The following MB21D2 variants were observed in gnomAD, a reference collection of about 807,000 sequenced individuals.
MB21D2 encodes the protein nucleotidyltransferase MB21D2.
Under a neutral mutation model 33.3 loss-of-function variants are expected in MB21D2, and 9 were observed. That is an observed-to-expected ratio of 0.27 (90% confidence interval 0.16 to 0.47). The LOEUF (loss-of-function observed/expected upper bound fraction) is 0.47. MB21D2 is among the 20% of genes least tolerant of loss of function. MB21D2 has a pLI of 0.99. For synonymous variants in MB21D2, 241 were observed against 236.3 expected (o/e 1.02, Z -0.18); for missense variants, 540 against 624.6 (o/e 0.86, Z 1.44).
intron 1 of MB21D2, among the ~76,000 whole-genome samples, chr3:192,914,377 G>A (rs1390384129): frequency 6.6e-6 from 1 of 152,178 alleles, no homozygotes; most frequent in East Asian, 1.9e-4. Flanking sequence ...GTGACGGCTT[G>A]TTTCTTTCCT....
At position 192,917,659 on chromosome 3, in the gene MB21D2, G is replaced by A. The variant is rs917611590; in HGVS notation, c.182C>T (p.Thr61Ile). 8.7e-6 allele frequency: 14 copies of A among 1,614,190 alleles called. No individual in the cohort carries two copies. The highest frequency in any genetic ancestry group is 1.1e-5 in the Non-Finnish European group (13 of 1,180,034). The change falls in exon 1 of 2, where the codon ACA becomes ATA. Residue 61 changes from threonine to isoleucine, a missense_variant. Thr to Ile is a moderately conservative substitution (Grantham distance 89, BLOSUM62 -1). Transcript: ENST00000392452. ...YDDQRALEIH[T>I]AKDFIFSMLG... ...CATGGAAAAGATGAAATCCTTGGCTGTGTGAATCTCCAGCGCTCTCTGGTC... is the reference window on the plus strand; with the variant it reads ...CATGGAAAAGATGAAATCCTTGGCTATGTGAATCTCCAGCGCTCTCTGGTC...
At chr3:192,879,537 C>A in intron 1 of MB21D2, among the ~76,000 whole-genome samples, 1 of 152,194 alleles carries the variant, frequency 6.6e-6, no homozygotes, top group East Asian at 1.9e-4. Flanking sequence ...AGTGAGATTA[C>A]GATTTCCCCT....
chr3:192,834,913 G>GAAT (rs1712400585), intron 1 of MB21D2, among the ~76,000 whole-genome samples: 1 of 149,372 alleles, frequency 6.7e-6, no homozygotes, highest in Non-Finnish European at 1.5e-5. Flanking sequence ...TGGTTCAAGC[G>GAAT]ATTCTCCTGC....
At chr3:192,875,682 T>C (rs1713414480) in intron 1 of MB21D2, among the ~76,000 whole-genome samples, 2 of 152,166 alleles carry the variant, frequency 1.3e-5, no homozygotes, top group Non-Finnish European at 2.9e-5. Context: ...AATAACATGA[T>C]TAAATATTAA....
intron 1 of MB21D2, among the ~76,000 whole-genome samples, chr3:192,817,477 G>A (rs992497650): frequency 1.3e-5 from 2 of 152,130 alleles, no homozygotes; most frequent in African/African-American, 4.8e-5. Flanking sequence ...CAGATATACT[G>A]ATTTTTACAG....
intron 1 of MB21D2, among the ~76,000 whole-genome samples, chr3:192,884,408 C>T (rs1413723120): frequency 1.3e-5 from 2 of 151,810 alleles, no homozygotes; most frequent in African/African-American, 4.9e-5. Context: ...GCTCTGTCAC[C>T]CAGGCTGGAG....
Position 192,797,524 on chromosome 3 carries a change from T to G in MB21D2, c.*862A>C, listed in dbSNP as rs1206110135. On this transcript the variant is annotated 3_prime_UTR_variant, in exon 2 of 2. Coordinates refer to ENST00000392452, the MANE Select transcript of MB21D2 (RefSeq NM_178496.4). Reference sequence around the variant, plus strand: ...AAGCAAATGCAAAGAATCATTTCACTGATAGAAATGGGCAAAATGAAAAAA... The same window carrying G: ...AAGCAAATGCAAAGAATCATTTCACGGATAGAAATGGGCAAAATGAAAAAA... The G allele has an allele frequency of 6.6e-6, 1 of 152,610 alleles. No homozygotes were observed. Among genetic ancestry groups the G allele is most frequent in the Non-Finnish European group, 1.5e-5 (1 of 68,034 alleles). 9.5% of individuals were successfully genotyped at this position (152,610 alleles called of 1,614,324 possible).
chr3:192,903,951 A>C (rs1185272334), intron 1 of MB21D2, among the ~76,000 whole-genome samples: 1 of 152,204 alleles, frequency 6.6e-6, no homozygotes, highest in Non-Finnish European at 1.5e-5. Context: ...TGCCAGCACT[A>C]TGCTTCCTAT....
chr3:192,825,819 A>T (rs796862454), intron 1 of MB21D2, among the ~76,000 whole-genome samples: 5 of 152,358 alleles, frequency 3.3e-5, no homozygotes, highest in African/African-American at 1.2e-4. Context: ...TCAACTGTTG[A>T]ACCAGCAAAT....
At chr3:192,895,871 T>TAC (rs1713961368) in intron 1 of MB21D2, among the ~76,000 whole-genome samples, 1 of 152,020 alleles carries the variant, frequency 6.6e-6, no homozygotes, top group Non-Finnish European at 1.5e-5. Context: ...TAGCTGGGAC[T>TAC]ACAGATGTGT....
intron 1 of MB21D2, among the ~76,000 whole-genome samples, chr3:192,841,374 T>C (rs1712569064): frequency 1.3e-5 from 2 of 152,274 alleles, no homozygotes; most frequent in Non-Finnish European, 2.9e-5. Flanking sequence ...GTGTAACAAA[T>C]AAGCGTGATG....
chr3:192,818,484 T>A (rs1001160349), intron 1 of MB21D2, among the ~76,000 whole-genome samples: 1 of 152,230 alleles, frequency 6.6e-6, no homozygotes, highest in Non-Finnish European at 1.5e-5. Context: ...GTCACAGAGT[T>A]CTCAGCTCAG....
chr3:192,880,527 T>TCCACG (rs1250843987), intron 1 of MB21D2, among the ~76,000 whole-genome samples: 43 of 151,844 alleles, frequency 2.8e-4, no homozygotes, highest in Admixed American at 2.6e-3. Context: ...GTGTCTGGCG[T>TCCACG]CCAGTGAGCC....
intron 1 of MB21D2, among the ~76,000 whole-genome samples, chr3:192,815,829 T>C (rs752402826): frequency 2.6e-5 from 4 of 152,138 alleles, no homozygotes; most frequent in Non-Finnish European, 4.4e-5. Context: ...CCTCTACCCA[T>C]CAGATAGGGA....
intron 1 of MB21D2, among the ~76,000 whole-genome samples, chr3:192,820,071 T>C (rs1712010541): frequency 6.6e-6 from 1 of 152,194 alleles, no homozygotes; most frequent in Non-Finnish European, 1.5e-5. Context: ...TTTCTGACTT[T>C]CAGGACTCTA....
At chr3:192,916,959 A>C (rs1026319910) in intron 1 of MB21D2, among the ~76,000 whole-genome samples, 4 of 152,250 alleles carry the variant, frequency 2.6e-5, no homozygotes, top group African/African-American at 9.6e-5. Context: ...TTCCGAGCTC[A>C]GCGAGAGCCC....
intron 1 of MB21D2, among the ~76,000 whole-genome samples, chr3:192,826,190 A>G (rs562277780): frequency 6.6e-6 from 1 of 152,336 alleles, no homozygotes; most frequent in African/African-American, 2.4e-5. Flanking sequence ...GAGGTTTAAC[A>G]TTTATCATAT....
intron 1 of MB21D2, among the ~76,000 whole-genome samples, chr3:192,830,452 T>C (rs2108620469): frequency 6.6e-6 from 1 of 152,310 alleles, no homozygotes; most frequent in East Asian, 1.9e-4. Context: ...AAACCTGACC[T>C]TCACTATGAA....
chr3:192,860,657 C>G (rs1713022510), intron 1 of MB21D2, among the ~76,000 whole-genome samples: 1 of 152,084 alleles, frequency 6.6e-6, no homozygotes. Flanking sequence ...GCCAGCCCGC[C>G]CTGGGAGCCA....
Sources: gnomAD v4.1 joint callset for allele counts (sites outside exome capture counted in the v4.1 genomes callset) on GRCh38, gnomAD v4.1.1 for gene constraint, MANE v1.5 for transcripts, NCBI Gene and HGNC (gene_info 2026-07-23, HGNC 2026-07-21) for gene names.